SUGT1: variants seen among roughly 807,000 people sequenced by gnomAD.
SUGT1 encodes protein SGT1 homolog.
A neutral mutation model predicts 56.1 loss-of-function variants in SUGT1; 15 were observed. That is an observed-to-expected ratio of 0.27 (90% CI 0.18 to 0.41). SUGT1 has a LOEUF of 0.41. Among genes scored for constraint, SUGT1 ranks in the 10% least tolerant of loss-of-function variants. SUGT1 has a pLI of 1.00. For synonymous variants in SUGT1, 123 were observed against 128.6 expected (o/e 0.96, Z 0.30); for missense variants, 347 against 382.2 (o/e 0.91, Z 0.77).
At position 52,652,959 on chromosome 13, in the gene SUGT1, G is replaced by GT. The variant is rs774916140; in HGVS notation, c.38+2dup. The stretch of plus-strand genomic sequence containing the variant: ...CAGCAGGAACTGCAACATCCCAGAG[G>GT]TGCATGTTTTTCTTTCCCTTTGGTA... On this transcript the variant is annotated splice_donor_variant, in intron 1 of 12. Coordinates refer to ENST00000310528, the MANE Select transcript of SUGT1 (RefSeq NM_006704.5). LOFTEE classifies it high-confidence loss of function. 1.2e-6 allele frequency: 2 copies of GT among 1,614,226 alleles called. No individual in the cohort carries two copies. Among genetic ancestry groups the GT allele is most frequent in the Non-Finnish European group, 1.7e-6 (2 of 1,180,022 alleles).
intron 9 of SUGT1, among the ~76,000 whole-genome samples, chr13:52,666,068 A>G (rs1962688183): frequency 6.6e-6 from 1 of 152,196 alleles, no homozygotes; most frequent in Non-Finnish European, 1.5e-5. Context: ...TTGACTAGCC[A>G]TGTTAAATGA....
chr13:52,695,987 T>G lies in SUGT1; in HGVS notation c.*8152T>G, dbSNP rs1963918157. The G allele has an allele frequency of 6.6e-6, 1 of 152,234 alleles. No individual in the cohort carries two copies. The highest frequency in any genetic ancestry group is 2.4e-5 in the African/African-American group (1 of 41,462). The allele number at this position is 152,234 out of a possible 1,614,324, so 9.4% of individuals were successfully genotyped here. ...TTGGATTGGGTTATTTGCTTATGGT[T>G]GAGACATCACTGGATCCTTTGATGG... On this transcript the variant is annotated 3_prime_UTR_variant, in exon 13 of 13. Transcript: ENST00000310528.
At chr13:52,676,750 C>G (rs1004362400) in intron 11 of SUGT1, among the ~76,000 whole-genome samples, 5 of 152,128 alleles carry the variant, frequency 3.3e-5, no homozygotes, top group Admixed American at 1.3e-4. Flanking sequence ...ATTTGCAGGG[C>G]TTTACAGGGT....
chr13:52,680,187 G>T, intron 12 of SUGT1, 32 bp downstream of exon 12: 1 of 1,523,090 alleles, frequency 6.6e-7, no homozygotes, highest in Admixed American at 2.5e-5. Flanking sequence ...AATATATATG[G>T]GAGCAAATTT....
rs913870665 is a variant in SUGT1, at chr13:52,680,091, G to A, written c.836G>A (p.Arg279Lys). ...EKLEGDAALN[R>K]LFQQIYSDGS... ...TTGGAGGGAGATGCAGCTTTAAACA[G>A]ATTATTTCAGCAGATCTATTCAGAT... Residue 279 changes from arginine (R) to lysine (K), a missense_variant, in exon 12 of 13, where the codon AGA becomes AAA. Arg to Lys is a conservative substitution (Grantham distance 26). Transcript: ENST00000310528. 1 of 1,595,264 alleles carries A rather than the reference G, an allele frequency of 6.3e-7. No individual in the cohort carries two copies. Among genetic ancestry groups the A allele is most frequent in the Non-Finnish European group, 8.5e-7 (1 of 1,174,970 alleles).
At chr13:52,685,021 G>A (rs889814686) in intron 12 of SUGT1, among the ~76,000 whole-genome samples, 19 of 150,968 alleles carry the variant, frequency 1.3e-4, no homozygotes, top group African/African-American at 4.4e-4. Context: ...GTCATTTCTT[G>A]AGTCCCAAGG....
At chr13:52,662,996 G>C in intron 6 of SUGT1, 100 bp from the exon 7 acceptor site, 1 of 1,327,108 alleles carries the variant, frequency 7.5e-7, no homozygotes, top group Non-Finnish European at 1.0e-6. Context: ...CGGAGAATTT[G>C]CTTGCTTAAT....
intron 10 of SUGT1, among the ~76,000 whole-genome samples, chr13:52,673,707 T>G (rs1387985458): frequency 1.3e-5 from 2 of 152,240 alleles, no homozygotes; most frequent in Non-Finnish European, 2.9e-5. Context: ...GAATATAGGG[T>G]GGCCTGTGGC....
intron 10 of SUGT1, among the ~76,000 whole-genome samples, chr13:52,673,264 G>C (rs953652251): frequency 5.8e-4 from 86 of 147,916 alleles, no homozygotes; most frequent in Admixed American, 2.6e-3. Context: ...TTGTGTGGGG[G>C]TAGATAGGGT....
At position 52,652,870 on chromosome 13, in the gene SUGT1, TG is replaced by T; in HGVS notation, c.-49del. 1 of 1,595,494 alleles carries T rather than the reference TG, an allele frequency of 6.3e-7. No individual in the cohort carries two copies. The highest frequency in any genetic ancestry group is 1.1e-5 in the South Asian group (1 of 89,564). On this transcript the variant is annotated 5_prime_UTR_variant, in exon 1 of 13. Transcript: ENST00000310528. Reference sequence around the variant, plus strand: ...TTTCCCCCTTGGGCGGTGGTGGAGGTGGTAACCGTGATAGTAGCAGCTCCGG... The same window carrying T: ...TTTCCCCCTTGGGCGGTGGTGGAGGTGTAACCGTGATAGTAGCAGCTCCGG...
Position 52,695,084 on chromosome 13 carries a change from T to C in SUGT1, c.*7249T>C, listed in dbSNP as rs1199265504. On this transcript the variant is annotated 3_prime_UTR_variant, in exon 13 of 13. Transcript: ENST00000310528. ...ATATACAAGTGTGTAGACATTAATA[T>C]GGGCTCACTGTCAGCTGGGAGTTCT... 2 of 152,220 alleles carry C rather than the reference T, an allele frequency of 1.3e-5. No homozygotes were observed. Among genetic ancestry groups the C allele is most frequent in the Admixed American group, 6.5e-5 (1 of 15,288 alleles). 9.4% of individuals were successfully genotyped at this position (152,220 alleles called of 1,614,324 possible).
chr13:52,676,901 A>G (rs1462556320), intron 11 of SUGT1, among the ~76,000 whole-genome samples: 1 of 152,196 alleles, frequency 6.6e-6, no homozygotes, highest in East Asian at 1.9e-4. Flanking sequence ...CTTTGTGTTG[A>G]GGTCAATTTT....
chr13:52,695,162 T>G lies in SUGT1; in HGVS notation c.*7327T>G, dbSNP rs1963891786. ...TGTTTTCTAAACTTTTTCTGTGGCT[T>G]GAAGTGACTGAAAGTGAACACATTC... On this transcript the variant is annotated 3_prime_UTR_variant, in exon 13 of 13. Transcript: ENST00000310528. The G allele has an allele frequency of 6.6e-6, 1 of 152,238 alleles. No individual in the cohort carries two copies. The highest frequency in any genetic ancestry group is 2.4e-5 in the African/African-American group (1 of 41,468). 9.4% of individuals were successfully genotyped at this position (152,238 alleles called of 1,614,324 possible). A position where few individuals can be genotyped will look rare whatever the true frequency, so the allele number is the denominator to read the frequency against.
Position 52,697,799 on chromosome 13 carries a change from C to G in SUGT1, c.*9964C>G, listed in dbSNP as rs1594268877. 1 of 152,256 alleles carries G rather than the reference C, an allele frequency of 6.6e-6. No individual in the cohort carries two copies. Among genetic ancestry groups the G allele is most frequent in the South Asian group, 2.1e-4 (1 of 4,826 alleles). 9.4% of individuals were successfully genotyped at this position (152,256 alleles called of 1,614,324 possible). A position where few individuals can be genotyped will look rare whatever the true frequency, so the allele number is the denominator to read the frequency against. ...TCCACTCATTCATTTATGCACTTAGCAAATATTCATTGATTGCCAAATACG... is the reference window on the plus strand; with the variant it reads ...TCCACTCATTCATTTATGCACTTAGGAAATATTCATTGATTGCCAAATACG... On this transcript the variant is annotated 3_prime_UTR_variant, in exon 13 of 13. Coordinates refer to ENST00000310528, the MANE Select transcript of SUGT1 (RefSeq NM_006704.5).
At position 52,688,470 on chromosome 13, in the gene SUGT1, A is replaced by C. The variant is rs1963675516; in HGVS notation, c.*635A>C. The C allele has an allele frequency of 6.6e-6, 1 of 152,214 alleles. No homozygotes were observed. Among genetic ancestry groups the C allele is most frequent in the African/African-American group, 2.4e-5 (1 of 41,452 alleles). The allele number at this position is 152,214 out of a possible 1,614,324, so 9.4% of individuals were successfully genotyped here. On this transcript the variant is annotated 3_prime_UTR_variant, in exon 13 of 13. Transcript: ENST00000310528. ...AAAACATAGATACCTGAGTTTTAACACACTGCAAGTTTATACTAAGGATAA... is the reference window on the plus strand; with the variant it reads ...AAAACATAGATACCTGAGTTTTAACCCACTGCAAGTTTATACTAAGGATAA...
rs561110796 is a variant in SUGT1, at chr13:52,674,890, TTGTG to T, written c.628-1334_628-1331del. Among the ~76,000 whole-genome samples the T allele has an allele frequency of 7.3e-3, 1,111 of 152,284 alleles. 8 individuals are homozygous for T. Among genetic ancestry groups the T allele is most frequent in the Non-Finnish European group, 0.012 (832 of 68,032 alleles). ...AAAAGGTAGATAAAATGCTATGTGA[TTGTG>T]TGTGTTGGGGGCAAGGATAGACTCA... On this transcript the variant is annotated intron_variant, in intron 10 of 12. Transcript: ENST00000310528.
chr13:52,670,754 G>A (rs576032627), intron 10 of SUGT1, among the ~76,000 whole-genome samples: 45 of 152,274 alleles, frequency 3.0e-4, no homozygotes, highest in Non-Finnish European at 5.4e-4. Flanking sequence ...GTTGCAGTGA[G>A]CCGAGATCAT....
At chr13:52,664,700 A>G (rs1010747841) in intron 8 of SUGT1, among the ~76,000 whole-genome samples, 2 of 152,174 alleles carry the variant, frequency 1.3e-5, no homozygotes, top group South Asian at 2.1e-4. Flanking sequence ...GTTAAAAACC[A>G]TCTATTCATG....
At chr13:52,684,963 A>G (rs1016774788) in intron 12 of SUGT1, among the ~76,000 whole-genome samples, 5 of 150,672 alleles carry the variant, frequency 3.3e-5, no homozygotes, top group Admixed American at 1.3e-4. Context: ...CTTCAGCTCC[A>G]AGTCTAGGAT....
Sources: gnomAD v4.1 joint callset for allele counts (sites outside exome capture counted in the v4.1 genomes callset) on GRCh38, gnomAD v4.1.1 for gene constraint, MANE v1.5 for transcripts, NCBI Gene and HGNC (gene_info 2026-07-23, HGNC 2026-07-21) for gene names.